The following NSD1 variants were observed in gnomAD, a reference collection of about 807,000 sequenced individuals.
The protein encoded by NSD1 is nuclear receptor binding SET domain protein 1, also known as histone-lysine N-methyltransferase, H3 lysine-36 specific.
A neutral mutation model predicts 242.7 loss-of-function variants in NSD1; 26 were observed. That is an observed-to-expected ratio of 0.11 (90% CI 0.08 to 0.15). NSD1 has a LOEUF of 0.15. Ranked by LOEUF, NSD1 falls within the 10% of genes least tolerant of loss-of-function variation. NSD1 has a pLI of 1.00. For missense variants in NSD1, 2,495 were observed against 3,272.8 expected (o/e 0.76, Z 5.80); for synonymous variants, 1,106 against 1,178.1 (o/e 0.94, Z 1.25).
chr5:177,294,289 A>G lies in NSD1; in HGVS notation c.6921A>G (p.Gln2307=), dbSNP rs1760094332. 1 of 1,613,528 alleles carries G rather than the reference A, an allele frequency of 6.2e-7. No individual in the cohort carries two copies. Among genetic ancestry groups the G allele is most frequent in the East Asian group, 2.2e-5 (1 of 44,884 alleles). ...TCGCTGGGTCAGGGACCAAATCCCA[A>G]TCCTTGGTTTCCAGCCAGAGGCCAC... The part of the protein sequence containing the change: ...RDLAGSGTKS[Q]SLVSSQRPLD... Residue 2307 remains glutamine, a synonymous_variant, in exon 23 of 23, where the codon CAA becomes CAG. Coordinates refer to ENST00000439151, the MANE Select transcript of NSD1 (RefSeq NM_022455.5).
chr5:177,160,477 A>G (rs545935363), intron 2 of NSD1, among the ~76,000 whole-genome samples: 3 of 146,198 alleles, frequency 2.1e-5, no homozygotes, highest in African/African-American at 5.1e-5. Flanking sequence ...ATTTTTTTGT[A>G]TTTTTAGTAG....
At chr5:177,159,014 A>G (rs1388850458) in intron 2 of NSD1, among the ~76,000 whole-genome samples, 2 of 132,238 alleles carry the variant, frequency 1.5e-5, no homozygotes, top group Non-Finnish European at 3.1e-5. Context: ...ATATATATAT[A>G]TATATATATA....
intron 19 of NSD1, 94 bp downstream of exon 19, chr5:177,282,675 A>AG (rs1209180410): frequency 9.9e-5 from 96 of 968,682 alleles, no homozygotes; most frequent in Non-Finnish European, 1.4e-4. Context: ...GCAGTTCCCA[A>AG]GGTAGGGTCT....
intron 2 of NSD1, among the ~76,000 whole-genome samples, chr5:177,173,900 A>G (rs1455090472): frequency 6.6e-6 from 1 of 152,236 alleles, no homozygotes; most frequent in Non-Finnish European, 1.5e-5. Flanking sequence ...ATATTATTTC[A>G]TAAGCACATT....
At chr5:177,274,734 TTTTG>T (rs1326777224) in intron 17 of NSD1, among the ~76,000 whole-genome samples, 1 of 151,712 alleles carries the variant, frequency 6.6e-6, no homozygotes, top group East Asian at 1.9e-4. Flanking sequence ...TGTGTTGTTT[TTTTG>T]TTTGTTTGTT....
chr5:177,167,610 C>T (rs886598907), intron 2 of NSD1, among the ~76,000 whole-genome samples: 19 of 151,970 alleles, frequency 1.3e-4, no homozygotes, highest in African/African-American at 3.6e-4. Context: ...TATTTCTACT[C>T]GTAGGCTACT....
At chr5:177,177,425 G>A (rs1337788479) in intron 2 of NSD1, among the ~76,000 whole-genome samples, 2 of 152,000 alleles carry the variant, frequency 1.3e-5, no homozygotes, top group East Asian at 1.9e-4. Context: ...CAGGAGAATC[G>A]CTTGAACCCA....
rs150821428 is a variant in NSD1 at position 177,296,072 on chromosome 5, A to G, written c.*613A>G. The G allele has an allele frequency of 3.9e-6, 1 of 254,188 alleles. No individual in the cohort carries two copies. The highest frequency in any genetic ancestry group is 2.2e-5 in the African/African-American group (1 of 45,748). The allele number at this position is 254,188 out of a possible 1,614,324, so 15.7% of individuals were successfully genotyped here. The stretch of plus-strand genomic sequence containing the variant: ...ATTTTGAAATGTCCTTTGTGGCACC[A>G]GAAGTGGTTGTGTTGAGGAAGTGTC... On this transcript the variant is annotated 3_prime_UTR_variant, in exon 23 of 23. Coordinates refer to ENST00000439151, the MANE Select transcript of NSD1 (RefSeq NM_022455.5).
chr5:177,287,301 A>G (rs1759411496), intron 20 of NSD1, among the ~76,000 whole-genome samples: 1 of 152,232 alleles, frequency 6.6e-6, no homozygotes, highest in Non-Finnish European at 1.5e-5. Context: ...AGCACATCGT[A>G]TCTATAAAAT....
chr5:177,227,734 C>T (rs757810377), intron 5 of NSD1, among the ~76,000 whole-genome samples: 30 of 152,216 alleles, frequency 2.0e-4, no homozygotes, highest in Non-Finnish European at 3.8e-4. Flanking sequence ...AGCCATACAC[C>T]CGGCCTAAAT....
intron 2 of NSD1, among the ~76,000 whole-genome samples, chr5:177,150,499 T>TA (rs1467893515): frequency 2.0e-5 from 3 of 147,462 alleles, no homozygotes; most frequent in Non-Finnish European, 4.6e-5. Flanking sequence ...AAATCATACA[T>TA]ACTTGTGATT....
chr5:177,254,014 G>C (rs1756219751), intron 12 of NSD1, among the ~76,000 whole-genome samples: 1 of 152,028 alleles, frequency 6.6e-6, no homozygotes, highest in South Asian at 2.1e-4. Context: ...GAGTGCAATG[G>C]CGCAGTCTCG....
At chr5:177,161,589 T>C (rs1352991742) in intron 2 of NSD1, among the ~76,000 whole-genome samples, 1 of 152,128 alleles carries the variant, frequency 6.6e-6, no homozygotes, top group African/African-American at 2.4e-5. Flanking sequence ...CCTCTATTTT[T>C]TGTGCAAACG....
chr5:177,282,648 A>C (rs1010456810), intron 19 of NSD1, 67 bp downstream of exon 19: 6 of 1,149,660 alleles, frequency 5.2e-6, no homozygotes, highest in Non-Finnish European at 7.9e-6. Context: ...CAGCCATAGT[A>C]TTTGTAGGCA....
At position 177,299,657 on chromosome 5, in the gene NSD1, A is replaced by T; in HGVS notation, c.*4198A>T. The T allele has an allele frequency of 4.3e-6, 1 of 233,324 alleles. No individual in the cohort carries two copies. The highest frequency in any genetic ancestry group is 6.0e-5 in the East Asian group (1 of 16,598). 14.5% of individuals were successfully genotyped at this position (233,324 alleles called of 1,614,324 possible). A position where few individuals can be genotyped will look rare whatever the true frequency, so the allele number is the denominator to read the frequency against. On this transcript the variant is annotated 3_prime_UTR_variant, in exon 23 of 23. Transcript: ENST00000439151. ...TCGGAAGAAGTGTTTCGAGTTTAAC[A>T]TGCGCTGTTTCTGCTTATGTGGTTC...
intron 11 of NSD1, among the ~76,000 whole-genome samples, chr5:177,251,264 G>T (rs1316363141): frequency 6.6e-6 from 1 of 152,046 alleles, no homozygotes; most frequent in East Asian, 1.9e-4. Context: ...CTAAGCGCCT[G>T]TCTTAAGTGA....
chr5:177,278,469 A>T (rs936404399), intron 17 of NSD1, among the ~76,000 whole-genome samples: 11 of 152,202 alleles, frequency 7.2e-5, no homozygotes, highest in Non-Finnish European at 1.6e-4. Context: ...CAGATTGTAG[A>T]TTTCATAATA....
In NSD1 at chr5:177,267,520, G is replaced by T. The variant is rs761177406; in HGVS notation, c.5147-42G>T. 1.7e-5 allele frequency: 27 copies of T among 1,565,116 alleles called. 2 individuals carry two copies. The South Asian group carries it at 2.9e-4, about 17-fold the overall frequency. On this transcript the variant is annotated intron_variant, in intron 14 of 22. Transcript: ENST00000439151. Reference sequence around the variant, plus strand: ...GTATGGATGTACACATACATGACTTGCAGTCTTGTGATCTGAATGCCACAT... The same window carrying T: ...GTATGGATGTACACATACATGACTTTCAGTCTTGTGATCTGAATGCCACAT...
rs1562317706 is a variant in NSD1, at chr5:177,298,835, G to A, written c.*3376G>A. 4.3e-6 allele frequency: 1 copy of A among 232,976 alleles called. No homozygotes were observed. Among genetic ancestry groups the A allele is most frequent in the Non-Finnish European group, 8.5e-6 (1 of 117,966 alleles). 14.4% of individuals were successfully genotyped at this position (232,976 alleles called of 1,614,324 possible). Reference sequence around the variant, plus strand: ...GAGTAATGAGGACAGCATGAAACTTGGATAGGTTTTACCCTTAGTCCCTAT... The same window carrying A: ...GAGTAATGAGGACAGCATGAAACTTAGATAGGTTTTACCCTTAGTCCCTAT... On this transcript the variant is annotated 3_prime_UTR_variant, in exon 23 of 23. Transcript: ENST00000439151.
Sources: gnomAD v4.1 joint callset for allele counts (sites outside exome capture counted in the v4.1 genomes callset) on GRCh38, gnomAD v4.1.1 for gene constraint, MANE v1.5 for transcripts, NCBI Gene and HGNC (gene_info 2026-07-23, HGNC 2026-07-21) for gene names.